SIPA1L2: variants seen among roughly 807,000 people sequenced by gnomAD.
SIPA1L2 encodes signal induced proliferation associated 1 like 2, also known as signal-induced proliferation-associated 1-like protein 2.
Under a neutral mutation model 163.9 loss-of-function variants are expected in SIPA1L2, and 56 were observed. That is an observed-to-expected ratio of 0.34 (90% CI 0.28 to 0.43). SIPA1L2 has a LOEUF of 0.43. Ranked by LOEUF, SIPA1L2 falls within the 20% of genes least tolerant of loss-of-function variation. The probability of loss-of-function intolerance (pLI) is 1.00; values close to 1 mark genes in which losing one functional copy is unlikely to be tolerated. For synonymous variants in SIPA1L2, 877 were observed against 865.7 expected (o/e 1.01, Z -0.23); for missense variants, 1,974 against 2,193.5 (o/e 0.90, Z 2.00).
At chr1:232,425,558 C>T (rs760915859) in intron 18 of SIPA1L2, 31 bp downstream of exon 18, 27 of 1,514,792 alleles carry the variant, frequency 1.8e-5, no homozygotes, top group Non-Finnish European at 2.3e-5. Flanking sequence ...ACCCTCGGCG[C>T]TGGCCAGGGA....
intron 15 of SIPA1L2, among the ~76,000 whole-genome samples, chr1:232,436,442 G>A (rs116360660): frequency 1.7e-4 from 26 of 152,278 alleles, no homozygotes; most frequent in Non-Finnish European, 3.1e-4. Flanking sequence ...AGAAGTGTGG[G>A]TTTAGGCAGG....
At chr1:232,530,365 C>T (rs1317128605) in intron 2 of SIPA1L2, among the ~76,000 whole-genome samples, 1 of 152,118 alleles carries the variant, frequency 6.6e-6, no homozygotes, top group Non-Finnish European at 1.5e-5. Flanking sequence ...CCACCCGCCT[C>T]GGCCTCCCAA....
intron 2 of SIPA1L2, among the ~76,000 whole-genome samples, chr1:232,542,923 G>T (rs1403725261): frequency 6.6e-6 from 1 of 152,156 alleles, no homozygotes; most frequent in Non-Finnish European, 1.5e-5. Context: ...GTACACACTG[G>T]TATTTGCACA....
At chr1:232,567,993 T>C (rs789649) in intron 2 of SIPA1L2, among the ~76,000 whole-genome samples, 23,712 of 152,210 alleles carry the variant, frequency 0.16, 3,442 homozygotes, top group East Asian at 0.5. Flanking sequence ...CACATGAAGG[T>C]TCCTGGAAGG....
intron 7 of SIPA1L2, among the ~76,000 whole-genome samples, chr1:232,475,457 T>TA (rs1423401443): frequency 6.6e-6 from 1 of 152,208 alleles, no homozygotes; most frequent in Non-Finnish European, 1.5e-5. Context: ...CACCAGTAGT[T>TA]AGAATTATGC....
chr1:232,493,416 A>G, intron 4 of SIPA1L2, 111 bp downstream of exon 4: 1 of 1,337,032 alleles, frequency 7.5e-7, no homozygotes, highest in Non-Finnish European at 1.0e-6. Flanking sequence ...TGTTGCAATC[A>G]TTAACATTAA....
chr1:232,456,247 A>C (rs1340887935), intron 10 of SIPA1L2, among the ~76,000 whole-genome samples: 2 of 152,114 alleles, frequency 1.3e-5, no homozygotes, highest in Non-Finnish European at 2.9e-5. Context: ...ATATACATCT[A>C]AAAATAAAAA....
chr1:232,441,253 G>A (rs1411438562), intron 14 of SIPA1L2, 38 bp downstream of exon 14: 2 of 1,512,498 alleles, frequency 1.3e-6, no homozygotes, highest in Admixed American at 2.1e-5. Flanking sequence ...GATCAGTCCT[G>A]GCTAGGCCAG....
chr1:232,630,361 T>C (rs543237321), upstream of SIPA1L2, among the ~76,000 whole-genome samples: 12 of 151,968 alleles, frequency 7.9e-5, no homozygotes, highest in African/African-American at 2.9e-4. Flanking sequence ...CCGGACGCCC[T>C]TCTTGGGGAG....
chr1:232,413,033 T>A (rs1274179028), intron 19 of SIPA1L2, among the ~76,000 whole-genome samples: 1 of 152,204 alleles, frequency 6.6e-6, no homozygotes, highest in Non-Finnish European at 1.5e-5. Flanking sequence ...CATGTCATAC[T>A]TTTTCCCTTC....
At chr1:232,619,627 C>CGGGATGGAA (rs1412379717) in intron 1 of SIPA1L2, among the ~76,000 whole-genome samples, 2 of 152,192 alleles carry the variant, frequency 1.3e-5, no homozygotes, top group Admixed American at 6.5e-5. Context: ...CTACCCAGGA[C>CGGGATGGAA]GGGATGGAAG....
At chr1:232,467,972 C>A (rs1195691060) in intron 8 of SIPA1L2, among the ~76,000 whole-genome samples, 2 of 152,154 alleles carry the variant, frequency 1.3e-5, no homozygotes, top group Admixed American at 1.3e-4. Context: ...ATTCTCTGTA[C>A]AATGTATGCC....
chr1:232,543,514 A>G (rs147366069), intron 2 of SIPA1L2, among the ~76,000 whole-genome samples: 34 of 152,288 alleles, frequency 2.2e-4, no homozygotes, highest in African/African-American at 7.7e-4. Flanking sequence ...ATGAACAGTA[A>G]ATACGTTTTT....
chr1:232,541,935 ATC>A (rs59407464), intron 2 of SIPA1L2, among the ~76,000 whole-genome samples: 68 of 147,988 alleles, frequency 4.6e-4, no homozygotes, highest in South Asian at 4.3e-4. Context: ...TGAGCCTTAA[ATC>A]TCTCTCTCTC....
chr1:232,431,417 A>AT (rs570275742), intron 16 of SIPA1L2, among the ~76,000 whole-genome samples: 203 of 152,110 alleles, frequency 1.3e-3, no homozygotes, highest in African/African-American at 4.2e-3. Context: ...ACACAGGATC[A>AT]TTTTTTTTAA....
At chr1:232,551,054 C>G (rs557110308) in intron 2 of SIPA1L2, among the ~76,000 whole-genome samples, 1 of 152,278 alleles carries the variant, frequency 6.6e-6, no homozygotes, top group Admixed American at 6.5e-5. Flanking sequence ...CCTACCACCA[C>G]CTATTAACTC....
At chr1:232,547,630 A>G (rs1451994114) in intron 2 of SIPA1L2, among the ~76,000 whole-genome samples, 1 of 152,008 alleles carries the variant, frequency 6.6e-6, no homozygotes, top group Non-Finnish European at 1.5e-5. Flanking sequence ...GAAAAAGTAA[A>G]AAGTTTGAAA....
chr1:232,621,821 C>T (rs1662827021), intron 1 of SIPA1L2, among the ~76,000 whole-genome samples: 1 of 152,012 alleles, frequency 6.6e-6, no homozygotes, highest in Non-Finnish European at 1.5e-5. Flanking sequence ...CCTCGAACGC[C>T]TGGGCTCAAG....
intron 2 of SIPA1L2, among the ~76,000 whole-genome samples, chr1:232,545,982 T>C (rs1428184509): frequency 1.3e-5 from 2 of 152,228 alleles, no homozygotes; most frequent in Non-Finnish European, 2.9e-5. Context: ...CCCTTCTCTT[T>C]CTGGTGTCAC....
Sources: allele counts gnomAD v4.1 joint callset (sites outside exome capture counted in the v4.1 genomes callset), GRCh38; gene constraint gnomAD v4.1.1; transcripts MANE v1.5; gene names NCBI Gene and HGNC (gene_info 2026-07-23, HGNC 2026-07-21).